Variants in NFYB observed in about 807,000 individuals in gnomAD.
The protein encoded by NFYB is nuclear transcription factor Y subunit beta.
A neutral mutation model predicts 28.0 loss-of-function variants in NFYB; 13 were observed. That is an observed-to-expected ratio of 0.46 (90% CI 0.30 to 0.74). The LOEUF (loss-of-function observed/expected upper bound fraction) is 0.74. Among genes scored for constraint, NFYB ranks in the 30% least tolerant of loss-of-function variants. NFYB has a pLI of 0.07. For missense variants in NFYB, 142 were observed against 247.6 expected (o/e 0.57, Z 2.86); for synonymous variants, 74 against 75.0 (o/e 0.99, Z 0.07).
chr12:104,128,278 CT>C, intron 3 of NFYB, 145 bp downstream of exon 3: 4 of 470,792 alleles, frequency 8.5e-6, no homozygotes, highest in South Asian at 4.5e-5. Flanking sequence ...CATGGTACGC[CT>C]TTTTAGACTT....
At chr12:104,125,934 A>G (rs1377047682) in intron 4 of NFYB, among the ~76,000 whole-genome samples, 180 bp downstream of exon 4, 2 of 151,920 alleles carry the variant, frequency 1.3e-5, no homozygotes, top group East Asian at 3.9e-4. Flanking sequence ...ATTTAGGGAC[A>G]TGACAGAATT....
chr12:104,129,639 G>A (rs1049389567), intron 2 of NFYB, among the ~76,000 whole-genome samples: 1 of 152,062 alleles, frequency 6.6e-6, no homozygotes, highest in Non-Finnish European at 1.5e-5. Flanking sequence ...AGAACTTTGG[G>A]AAGCCAAGGT....
At chr12:104,132,844 T>C (rs2030973446) in intron 2 of NFYB, among the ~76,000 whole-genome samples, 1 of 152,138 alleles carries the variant, frequency 6.6e-6, no homozygotes, top group Non-Finnish European at 1.5e-5. Context: ...TTGGATTTCA[T>C]CCAGGTAATG....
chr12:104,128,868 A>G (rs766237992), intron 2 of NFYB, among the ~76,000 whole-genome samples: 12 of 151,870 alleles, frequency 7.9e-5, no homozygotes, highest in Non-Finnish European at 1.5e-4. Context: ...GGGTTTTGCT[A>G]TGTTGCCCAG....
At chr12:104,120,058 A>G (rs919880990) in intron 7 of NFYB, among the ~76,000 whole-genome samples, 1 of 150,032 alleles carries the variant, frequency 6.7e-6, no homozygotes. Flanking sequence ...TATAATAAAA[A>G]AAAAATTTTT....
Position 104,126,120 on chromosome 12 carries a change from C to G in NFYB, c.225G>C (p.Thr75=). 2 of 1,579,692 alleles carry G rather than the reference C, an allele frequency of 1.3e-6. No individual in the cohort carries two copies. Among genetic ancestry groups the G allele is most frequent in the South Asian group, 2.4e-5 (2 of 82,982 alleles). ...AATTTCTCCTCTACGTTACCTTTCC[C>G]GTTTGAGGTATGGCATTTTTCATTA... ...ARIMKNAIPQ[T]GKIAKDAKEC... is the part of the protein sequence containing the mutation. The change falls in exon 4 of 8, where the codon ACG becomes ACC. Residue 75 remains threonine, a synonymous_variant. Coordinates refer to ENST00000240055, the MANE Select transcript of NFYB (RefSeq NM_006166.4).
In NFYB at chr12:104,119,728, T is replaced by C; in HGVS notation, c.*9A>G. 6.3e-7 allele frequency: 1 copy of C among 1,597,252 alleles called. No individual in the cohort carries two copies. The highest frequency in any genetic ancestry group is 8.6e-7 in the Non-Finnish European group (1 of 1,165,816). On this transcript the variant is annotated 3_prime_UTR_variant, in exon 8 of 8. Transcript: ENST00000240055. ...TTCTCTACACTCCCCATTCCATCAT[T>C]TCTTCAGATCATGAAAACTGAATTT... is the stretch of plus-strand genomic sequence containing the variant.
At chr12:104,135,374 A>C in intron 2 of NFYB, 74 bp downstream of exon 2, 1 of 1,374,002 alleles carries the variant, frequency 7.3e-7, no homozygotes. Context: ...TCCAGTATAA[A>C]TTGGTTACAA....
chr12:104,121,126 T>C, intron 6 of NFYB, 114 bp downstream of exon 6: 1 of 839,112 alleles, frequency 1.2e-6, no homozygotes, highest in South Asian at 1.6e-5. Flanking sequence ...ATAAGAACTA[T>C]TTAAAATAGT....
intron 2 of NFYB, chr12:104,131,702 T>C (rs1202393023): frequency 2.6e-5 from 12 of 455,470 alleles, no homozygotes; most frequent in Non-Finnish European, 4.4e-5. Flanking sequence ...AGACTGTAGA[T>C]TGTCAGTAAG....
At chr12:104,135,345 AT>A (rs1335360711) in intron 2 of NFYB, 102 bp downstream of exon 2, 24 of 989,176 alleles carry the variant, frequency 2.4e-5, no homozygotes, top group Non-Finnish European at 3.3e-5. Flanking sequence ...CTTGAAATGC[AT>A]TCATTCTACC....
intron 3 of NFYB, 57 bp from the exon 4 acceptor site, chr12:104,126,301 GA>G (rs2030713680): frequency 7.6e-7 from 1 of 1,312,930 alleles, no homozygotes. Flanking sequence ...TTTCAAGATA[GA>G]AAAAACTACC....
At chr12:104,132,217 A>G (rs2136668663) in intron 2 of NFYB, among the ~76,000 whole-genome samples, 1 of 152,318 alleles carries the variant, frequency 6.6e-6, no homozygotes, top group Non-Finnish European at 1.5e-5. Flanking sequence ...GACATTGAAA[A>G]TGAGACTGAC....
intron 2 of NFYB, among the ~76,000 whole-genome samples, chr12:104,132,426 T>C (rs910477394): frequency 4.6e-5 from 7 of 151,964 alleles, no homozygotes; most frequent in Admixed American, 1.3e-4. Flanking sequence ...TCCCTCTGGC[T>C]ACAGTTCAGT....
chr12:104,117,823 A>G lies in NFYB; in HGVS notation c.*1914T>C, dbSNP rs1295236032. 2.0e-5 allele frequency: 3 copies of G among 152,342 alleles called. No individual in the cohort carries two copies. In the East Asian group the frequency reaches 5.8e-4, roughly 29 times the overall value. 9.4% of individuals were successfully genotyped at this position (152,342 alleles called of 1,614,324 possible). A position where few individuals can be genotyped will look rare whatever the true frequency, so the allele number is the denominator to read the frequency against. ...AAGTGCTTTTATCAGTTATATAGTG[A>G]CACACTGCTTGGATCAAGTGGAAAA... On this transcript the variant is annotated 3_prime_UTR_variant, in exon 8 of 8. Coordinates refer to ENST00000240055, the MANE Select transcript of NFYB (RefSeq NM_006166.4).
At chr12:104,120,592 T>C in intron 6 of NFYB, 113 bp from the exon 7 acceptor site, 1 of 733,834 alleles carries the variant, frequency 1.4e-6, no homozygotes, top group East Asian at 2.5e-5. Context: ...GTATCAATGA[T>C]GTAGTCTTGG....
intron 2 of NFYB, 66 bp downstream of exon 2, chr12:104,135,382 C>G: frequency 6.9e-7 from 1 of 1,443,698 alleles, no homozygotes; most frequent in South Asian, 1.3e-5. Flanking sequence ...AAATTGGTTA[C>G]AATTTTATTT....
intron 1 of NFYB, chr12:104,137,658 C>A (rs2031158963): frequency 6.7e-6 from 1 of 149,810 alleles, no homozygotes; most frequent in Non-Finnish European, 1.5e-5. Flanking sequence ...AGCGCCGGGC[C>A]CCGCCACAGC....
Position 104,126,809 on chromosome 12 carries a change from G to C in NFYB, c.101-565C>G, listed in dbSNP as rs555409117. On this transcript the variant is annotated intron_variant, in intron 3 of 7. Coordinates refer to ENST00000240055, the MANE Select transcript of NFYB (RefSeq NM_006166.4). ...AGGTTGTATGTTTCTCCAAACCCAA[G>C]TTTATATAAACTCATTTATGTAAAA... 2.6e-4 allele frequency among the ~76,000 whole-genome samples: 39 copies of C among 152,088 alleles called. No homozygotes were observed. The South Asian group carries it at 8.1e-3, about 32-fold the overall frequency.
Sources: gnomAD v4.1 joint callset for allele counts (sites outside exome capture counted in the v4.1 genomes callset) on GRCh38, gnomAD v4.1.1 for gene constraint, MANE v1.5 for transcripts, NCBI Gene and HGNC (gene_info 2026-07-23, HGNC 2026-07-21) for gene names.